The following ROBO2 variants were observed in gnomAD, a reference collection of about 807,000 sequenced individuals.
The protein encoded by ROBO2 is roundabout homolog 2.
ROBO2 carries 53 observed loss-of-function variants against 160.8 expected under a neutral mutation model. The ratio of observed to expected loss-of-function variants is 0.33; its 90% CI spans 0.26 to 0.41. The LOEUF (loss-of-function observed/expected upper bound fraction) is 0.41. Among genes scored for constraint, ROBO2 ranks in the 10% least tolerant of loss-of-function variants. The pLI, the probability that ROBO2 is intolerant of heterozygous loss-of-function variation, is 1.00. For missense variants in ROBO2, 1,577 were observed against 1,722.4 expected (o/e 0.92, Z 1.49); for synonymous variants, 664 against 611.7 (o/e 1.09, Z -1.26).
At chr3:76,654,411 G>C (rs979866594) in intron 2 of ROBO2, among the ~76,000 whole-genome samples, 7 of 152,128 alleles carry the variant, frequency 4.6e-5, no homozygotes, top group African/African-American at 1.7e-4. Context: ...TAAGAATCTT[G>C]TATTCGGTGA....
At chr3:76,563,479 C>T (rs2084325946) in intron 2 of ROBO2, among the ~76,000 whole-genome samples, 1 of 151,992 alleles carries the variant, frequency 6.6e-6, no homozygotes, top group South Asian at 2.1e-4. Context: ...TTATTCTTGT[C>T]CCTTTATGAA....
intron 2 of ROBO2, among the ~76,000 whole-genome samples, chr3:76,054,268 A>G (rs986965486): frequency 1.3e-5 from 2 of 152,188 alleles, no homozygotes; most frequent in Non-Finnish European, 2.9e-5. Context: ...TGTATAAAAT[A>G]TTTTATCTGA....
intron 2 of ROBO2, among the ~76,000 whole-genome samples, chr3:77,455,067 A>G (rs1342004728): frequency 6.6e-6 from 1 of 152,208 alleles, no homozygotes; most frequent in Non-Finnish European, 1.5e-5. Context: ...TTGTAATTTC[A>G]AAAGGTAAAA....
chr3:76,712,869 C>A (rs1576171794), intron 2 of ROBO2, among the ~76,000 whole-genome samples: 1 of 151,848 alleles, frequency 6.6e-6, no homozygotes, highest in East Asian at 1.9e-4. Context: ...TTTAAAGTAA[C>A]TTTTTCACAT....
intron 2 of ROBO2, among the ~76,000 whole-genome samples, chr3:77,326,699 T>C (rs1032217038): frequency 2.6e-5 from 4 of 152,180 alleles, no homozygotes; most frequent in African/African-American, 7.2e-5. Flanking sequence ...TATATACCAG[T>C]TGAAAGCATT....
chr3:76,282,862 C>G (rs1169582029), intron 2 of ROBO2, among the ~76,000 whole-genome samples: 1 of 151,696 alleles, frequency 6.6e-6, no homozygotes, highest in Non-Finnish European at 1.5e-5. Flanking sequence ...CATACTTATG[C>G]ATATAAAACC....
intron 2 of ROBO2, among the ~76,000 whole-genome samples, chr3:77,377,166 A>C (rs1356362695): frequency 1.3e-5 from 2 of 152,222 alleles, no homozygotes; most frequent in Non-Finnish European, 2.9e-5. Context: ...TTGGATATAA[A>C]ATAAATTTAC....
At chr3:76,444,740 G>A (rs2077086810) in intron 2 of ROBO2, among the ~76,000 whole-genome samples, 1 of 152,120 alleles carries the variant, frequency 6.6e-6, no homozygotes. Context: ...TATTTGAATG[G>A]GGACACAAAG....
chr3:76,817,551 A>G (rs1368860386), intron 2 of ROBO2, among the ~76,000 whole-genome samples: 1 of 151,984 alleles, frequency 6.6e-6, no homozygotes, highest in Non-Finnish European at 1.5e-5. Context: ...GGTTACATGA[A>G]TAAGTTTTTG....
At chr3:76,800,978 G>A (rs570774854) in intron 2 of ROBO2, among the ~76,000 whole-genome samples, 13 of 152,250 alleles carry the variant, frequency 8.5e-5, no homozygotes, top group Non-Finnish European at 1.8e-4. Context: ...ATTCATAATA[G>A]CCACAATTTG....
intron 2 of ROBO2, among the ~76,000 whole-genome samples, chr3:76,325,422 G>A (rs1278827310): frequency 2.0e-5 from 3 of 152,082 alleles, no homozygotes; most frequent in African/African-American, 7.2e-5. Flanking sequence ...TCTGATTATA[G>A]CATTATTCCT....
At chr3:76,946,907 AT>A (rs1275342481) in intron 2 of ROBO2, among the ~76,000 whole-genome samples, 1 of 151,986 alleles carries the variant, frequency 6.6e-6, no homozygotes, top group Admixed American at 6.6e-5. Context: ...ATTTTATTTT[AT>A]TTTTTTCCCA....
chr3:77,371,204 C>A (rs1560648556), intron 2 of ROBO2, among the ~76,000 whole-genome samples: 1 of 152,092 alleles, frequency 6.6e-6, no homozygotes, highest in Non-Finnish European at 1.5e-5. Context: ...TATGAGAAAA[C>A]AAGAACACTA....
intron 2 of ROBO2, among the ~76,000 whole-genome samples, chr3:76,880,716 A>G (rs1314094811): frequency 1.3e-5 from 2 of 152,114 alleles, no homozygotes; most frequent in Admixed American, 1.3e-4. Flanking sequence ...ATTGTTTGAT[A>G]CTCATTTGTT....
chr3:76,451,038 A>T (rs1041133638), intron 2 of ROBO2, among the ~76,000 whole-genome samples: 1 of 152,108 alleles, frequency 6.6e-6, no homozygotes, highest in African/African-American at 2.4e-5. Context: ...TGTTCTCCAC[A>T]TTGCCATTCG....
chr3:76,108,190 C>T (rs1002129274), intron 2 of ROBO2, among the ~76,000 whole-genome samples: 1 of 149,976 alleles, frequency 6.7e-6, no homozygotes, highest in Non-Finnish European at 1.5e-5. Flanking sequence ...TAATCATCTT[C>T]CTGCGTATGA....
chr3:75,956,773 G>A (rs1948735896), intron 2 of ROBO2, among the ~76,000 whole-genome samples: 2 of 151,758 alleles, frequency 1.3e-5, no homozygotes, highest in African/African-American at 2.4e-5. Context: ...TCACGTAGTG[G>A]TCAGTTAATA....
chr3:76,896,757 T>A (rs2148848348), intron 2 of ROBO2, among the ~76,000 whole-genome samples: 1 of 152,300 alleles, frequency 6.6e-6, no homozygotes, highest in South Asian at 2.1e-4. Flanking sequence ...AGATAAGAAC[T>A]GTTGTCATTA....
chr3:76,387,311 C>G (rs2076938724), intron 2 of ROBO2, among the ~76,000 whole-genome samples: 1 of 152,056 alleles, frequency 6.6e-6, no homozygotes, highest in South Asian at 2.1e-4. Flanking sequence ...CAGAAGGTCA[C>G]AGTAGCAGAT....
Sources: allele counts gnomAD v4.1 joint callset (sites outside exome capture counted in the v4.1 genomes callset), GRCh38; gene constraint gnomAD v4.1.1; transcripts MANE v1.5; gene names NCBI Gene and HGNC (gene_info 2026-07-23, HGNC 2026-07-21).